The following FGF12 variants were observed in gnomAD, a reference collection of about 807,000 sequenced individuals.
The protein encoded by FGF12 is fibroblast growth factor 12B.
FGF12 carries 14 observed loss-of-function variants against 23.6 expected under a neutral mutation model. The ratio of observed to expected loss-of-function variants is 0.59; its 90% confidence interval spans 0.39 to 0.93. FGF12 has a LOEUF of 0.93. FGF12 is among the 40% of genes least tolerant of loss of function. FGF12 has a pLI of 0.00. For synonymous variants in FGF12, 62 were observed against 77.3 expected (o/e 0.80, Z 1.04); for missense variants, 175 against 217.8 (o/e 0.80, Z 1.24).
chr3:192,474,924 AAAC>A (rs951909498), intron 2 of FGF12, among the ~76,000 whole-genome samples: 1 of 151,940 alleles, frequency 6.6e-6, no homozygotes, highest in Non-Finnish European at 1.5e-5. Flanking sequence ...AAGAAAAACA[AAAC>A]AAAGCCCACA....
intron 5 of FGF12, among the ~76,000 whole-genome samples, chr3:192,166,189 A>T (rs992483588): frequency 1.3e-5 from 2 of 152,210 alleles, no homozygotes; most frequent in African/African-American, 4.8e-5. Context: ...ATTTAAGGAT[A>T]TAATGTATAA....
At chr3:192,493,294 C>G (rs983562384) in intron 2 of FGF12, among the ~76,000 whole-genome samples, 1 of 152,110 alleles carries the variant, frequency 6.6e-6, no homozygotes, top group African/African-American at 2.4e-5. Flanking sequence ...TGTGAGTCTA[C>G]ATATAAAACA....
chr3:192,162,737 T>C (rs1714951393), intron 5 of FGF12, among the ~76,000 whole-genome samples: 1 of 152,134 alleles, frequency 6.6e-6, no homozygotes, highest in African/African-American at 2.4e-5. Flanking sequence ...AATAAAAATA[T>C]CAAATTTGGC....
At chr3:192,343,902 T>C (rs1367095659) in intron 3 of FGF12, among the ~76,000 whole-genome samples, 5 of 152,200 alleles carry the variant, frequency 3.3e-5, no homozygotes, top group African/African-American at 1.2e-4. Context: ...TAAAACAGCA[T>C]TTCTTACAGA....
chr3:192,311,585 G>A (rs1715939298), intron 4 of FGF12, among the ~76,000 whole-genome samples: 1 of 152,148 alleles, frequency 6.6e-6, no homozygotes. Flanking sequence ...AGGCTGTTAT[G>A]AATAATGCTA....
At chr3:192,593,395 T>C (rs1341894826) in intron 2 of FGF12, among the ~76,000 whole-genome samples, 1 of 151,914 alleles carries the variant, frequency 6.6e-6, no homozygotes, top group Admixed American at 6.6e-5. Context: ...TCTCTGCCTC[T>C]TCTTCCCCAC....
chr3:192,192,500 T>C (rs1428997377), intron 4 of FGF12, among the ~76,000 whole-genome samples: 2 of 148,330 alleles, frequency 1.3e-5, no homozygotes, highest in East Asian at 3.9e-4. Flanking sequence ...TAATTACATG[T>C]TATATATAAA....
intron 2 of FGF12, among the ~76,000 whole-genome samples, chr3:192,453,963 C>T (rs899248679): frequency 6.6e-6 from 1 of 151,886 alleles, no homozygotes; most frequent in East Asian, 1.9e-4. Context: ...CCATGCAATA[C>T]TTTTGGTCTA....
chr3:192,240,623 A>G (rs1448440819), intron 4 of FGF12, among the ~76,000 whole-genome samples: 1 of 152,066 alleles, frequency 6.6e-6, no homozygotes, highest in Non-Finnish European at 1.5e-5. Flanking sequence ...ATCTCACCCA[A>G]TGTCCCATTA....
chr3:192,398,324 G>A (rs1406695335), intron 2 of FGF12, among the ~76,000 whole-genome samples: 2 of 152,088 alleles, frequency 1.3e-5, no homozygotes, highest in Non-Finnish European at 2.9e-5. Flanking sequence ...GTTTTTCCTG[G>A]GGTGAGGGGA....
intron 5 of FGF12, among the ~76,000 whole-genome samples, chr3:192,144,811 C>G (rs1713605679): frequency 6.6e-6 from 1 of 152,176 alleles, no homozygotes; most frequent in Non-Finnish European, 1.5e-5. Context: ...ATCTGTGAGC[C>G]ATCATGGCTA....
At chr3:192,676,142 A>G (rs1315404448) in intron 2 of FGF12, among the ~76,000 whole-genome samples, 1 of 152,230 alleles carries the variant, frequency 6.6e-6, no homozygotes, top group African/African-American at 2.4e-5. Flanking sequence ...TTAAGTTAAA[A>G]TAAAAGCATG....
chr3:192,335,507 T>C, intron 3 of FGF12, 43 bp from the exon 4 acceptor site: 1 of 1,155,058 alleles, frequency 8.7e-7, no homozygotes, highest in East Asian at 2.3e-5. Flanking sequence ...AGTGACCTTT[T>C]GAATAAATAA....
intron 2 of FGF12, among the ~76,000 whole-genome samples, chr3:192,458,648 G>A (rs1269654312): frequency 2.0e-5 from 3 of 152,114 alleles, no homozygotes; most frequent in Admixed American, 6.5e-5. Context: ...GATTTTACAG[G>A]CTCATAGGCA....
At chr3:192,288,183 T>C (rs1714560935) in intron 4 of FGF12, among the ~76,000 whole-genome samples, 1 of 152,094 alleles carries the variant, frequency 6.6e-6, no homozygotes, top group Non-Finnish European at 1.5e-5. Context: ...AGTTTGTGAA[T>C]TGCAATGCTA....
At chr3:192,467,145 T>C (rs1723034592) in intron 2 of FGF12, among the ~76,000 whole-genome samples, 1 of 152,202 alleles carries the variant, frequency 6.6e-6, no homozygotes, top group Non-Finnish European at 1.5e-5. Flanking sequence ...TTTAGAATTT[T>C]TTCAGTTATT....
At chr3:192,376,706 G>A (rs1260786716) in intron 2 of FGF12, among the ~76,000 whole-genome samples, 28 of 152,054 alleles carry the variant, frequency 1.8e-4, no homozygotes, top group Admixed American at 1.8e-3. Context: ...TTCCTATACT[G>A]CCCTTTTCCT....
chr3:192,411,192 T>C (rs1467712525), intron 2 of FGF12, among the ~76,000 whole-genome samples: 1 of 152,160 alleles, frequency 6.6e-6, no homozygotes, highest in South Asian at 2.1e-4. Flanking sequence ...CAAGATTCAC[T>C]TGGGCAATAA....
At chr3:192,426,868 T>C (rs1360113699) in intron 2 of FGF12, among the ~76,000 whole-genome samples, 2 of 152,190 alleles carry the variant, frequency 1.3e-5, no homozygotes, top group Non-Finnish European at 2.9e-5. Flanking sequence ...TTTAAGTAAA[T>C]AACGGTAGAA....
Sources: allele counts gnomAD v4.1 joint callset (sites outside exome capture counted in the v4.1 genomes callset), GRCh38; gene constraint gnomAD v4.1.1; transcripts MANE v1.5; gene names NCBI Gene and HGNC (gene_info 2026-07-23, HGNC 2026-07-21).